Variants in USP8 observed in about 807,000 individuals in gnomAD.
The protein encoded by USP8 is ubiquitin specific peptidase 8.
A neutral mutation model predicts 130.0 loss-of-function variants in USP8; 27 were observed. The ratio of observed to expected loss-of-function variants is 0.21; its 90% CI spans 0.15 to 0.29. The LOEUF (loss-of-function observed/expected upper bound fraction) is 0.29, where lower values mean the gene tolerates loss of function less well. Among genes scored for constraint, USP8 ranks in the 10% least tolerant of loss-of-function variants. USP8 has a pLI of 1.00. For missense variants in USP8, 1,029 were observed against 1,312.2 expected (o/e 0.78, Z 3.33); for synonymous variants, 392 against 444.1 (o/e 0.88, Z 1.48).
At chr15:50,474,071 C>A (rs2051479450) in intron 8 of USP8, among the ~76,000 whole-genome samples, 1 of 152,126 alleles carries the variant, frequency 6.6e-6, no homozygotes. Flanking sequence ...GTGGTGCCTT[C>A]TCAGCTCACT....
chr15:50,440,742 C>T (rs528505528), intron 2 of USP8, among the ~76,000 whole-genome samples: 1 of 152,136 alleles, frequency 6.6e-6, no homozygotes, highest in South Asian at 2.1e-4. Flanking sequence ...GTGGCTCATG[C>T]CTGTAATCCG....
At chr15:50,484,416 A>T in intron 12 of USP8, 55 bp downstream of exon 12, 1 of 1,347,240 alleles carries the variant, frequency 7.4e-7, no homozygotes, top group Non-Finnish European at 1.1e-6. Flanking sequence ...ATGGATTATA[A>T]CTATGTGATT....
rs150009115 is a variant in USP8, at chr15:50,428,202, C to T, written c.-66+3688C>T. On this transcript the variant is annotated intron_variant, in intron 1 of 19. Transcript: ENST00000307179. The stretch of plus-strand genomic sequence containing the variant: ...CATGATCTCGGCTCACTGCACCCTC[C>T]GTCTGATGGGTTCAAGCAATTCTCC... Among the ~76,000 whole-genome samples, 907 of 151,762 alleles carry T rather than the reference C, an allele frequency of 6.0e-3. 9 individuals carry two copies. The highest frequency in any genetic ancestry group is 0.021 in the African/African-American group (873 of 41,386).
At chr15:50,493,041 A>C in intron 15 of USP8, 128 bp downstream of exon 15, 2 of 1,008,152 alleles carry the variant, frequency 2.0e-6, no homozygotes, top group African/African-American at 1.6e-5. Flanking sequence ...GTAAAGAACA[A>C]AAATTTATTT....
At chr15:50,448,867 G>A (rs966258853) in intron 3 of USP8, among the ~76,000 whole-genome samples, 2 of 152,038 alleles carry the variant, frequency 1.3e-5, no homozygotes, top group Admixed American at 6.6e-5. Context: ...GTTTTTAGTT[G>A]CTTAGAGTTT....
intron 4 of USP8, among the ~76,000 whole-genome samples, chr15:50,456,403 C>A (rs2050790514): frequency 6.6e-6 from 1 of 150,922 alleles, no homozygotes. Flanking sequence ...AACCCCATCT[C>A]TACTAAAAAT....
At chr15:50,471,074 T>C (rs1046177346) in intron 7 of USP8, among the ~76,000 whole-genome samples, 21 of 152,228 alleles carry the variant, frequency 1.4e-4, no homozygotes, top group African/African-American at 4.8e-4. Context: ...CTTAATCTGT[T>C]CGTGCCTCAG....
rs1363449750 is a variant in USP8, at chr15:50,481,648, G to A, written c.1386G>A (p.Lys462=). 1 of 1,613,514 alleles carries A rather than the reference G, an allele frequency of 6.2e-7. No homozygotes were observed. The highest frequency in any genetic ancestry group is 8.5e-7 in the Non-Finnish European group (1 of 1,179,878). Residue 462 remains lysine (K), a synonymous_variant, in exon 11 of 20, where the codon AAG becomes AAA. Coordinates refer to ENST00000307179, the MANE Select transcript of USP8 (RefSeq NM_005154.5). ...CTCTCATGTTAACAGATGAAGAAAA[G>A]GCTCGTATTCATGCAGAAACTGCTC... is the stretch of plus-strand genomic sequence containing the variant. ...SPTLMLTDEE[K]ARIHAETALL... is the part of the protein sequence containing the mutation.
rs764162253 is a variant in USP8 at position 50,508,462 on chromosome 15, TAAAA to T, written c.*9378_*9381del. The T allele has an allele frequency of 2.4e-4, 36 of 152,220 alleles. No individual in the cohort carries two copies. The highest frequency in any genetic ancestry group is 7.7e-4 in the African/African-American group (32 of 41,540). 9.4% of individuals were successfully genotyped at this position (152,220 alleles called of 1,614,324 possible). On this transcript the variant is annotated 3_prime_UTR_variant, in exon 20 of 20. Coordinates refer to ENST00000307179, the MANE Select transcript of USP8 (RefSeq NM_005154.5). Reference sequence around the variant, plus strand: ...TGTATATGTTTGAAATATTCTATAATAAAAAAAGGCAGAGAAAGTGGGAGATAGA... The same window carrying T: ...TGTATATGTTTGAAATATTCTATAATAAAGGCAGAGAAAGTGGGAGATAGA...
Position 50,510,783 on chromosome 15 carries a change from G to GT in USP8, c.*11705dup, listed in dbSNP as rs1019714416. Reference sequence around the variant, plus strand: ...ATGTACACCAATGTTTTGTTTTTTGGTTTTTTTTTTAGAGATGGAGTCTCG... The same window carrying GT: ...ATGTACACCAATGTTTTGTTTTTTGGTTTTTTTTTTTAGAGATGGAGTCTCG... On this transcript the variant is annotated 3_prime_UTR_variant, in exon 20 of 20. Coordinates refer to ENST00000307179, the MANE Select transcript of USP8 (RefSeq NM_005154.5). The GT allele has an allele frequency of 2.5e-4, 38 of 150,552 alleles. No homozygotes were observed. The highest frequency in any genetic ancestry group is 6.3e-4 in the South Asian group (3 of 4,794). 9.3% of individuals were successfully genotyped at this position (150,552 alleles called of 1,614,324 possible).
intron 5 of USP8, among the ~76,000 whole-genome samples, chr15:50,461,522 A>AC (rs1165471895): frequency 6.6e-6 from 1 of 151,402 alleles, no homozygotes; most frequent in Non-Finnish European, 1.5e-5. Flanking sequence ...ATGAGTTAGT[A>AC]CCATACAGGA....
At chr15:50,469,338 G>A (rs1006691012) in intron 7 of USP8, among the ~76,000 whole-genome samples, 1 of 152,078 alleles carries the variant, frequency 6.6e-6, no homozygotes, top group Non-Finnish European at 1.5e-5. Flanking sequence ...CAGAGTTGGA[G>A]CAGATTGTGA....
intron 1 of USP8, among the ~76,000 whole-genome samples, chr15:50,429,702 T>G (rs940875160): frequency 1.3e-5 from 2 of 152,196 alleles, no homozygotes; most frequent in African/African-American, 4.8e-5. Context: ...AATAAATACC[T>G]GTGTGTATGT....
At chr15:50,424,752 A>C (rs1389349691) in intron 1 of USP8, 1 of 360,658 alleles carries the variant, frequency 2.8e-6, no homozygotes, top group Admixed American at 4.7e-5. Flanking sequence ...TTTGGTTTTA[A>C]AAGGTGGCTT....
chr15:50,460,668 CTT>C (rs1304790796), intron 5 of USP8, among the ~76,000 whole-genome samples: 2 of 152,140 alleles, frequency 1.3e-5, no homozygotes, highest in African/African-American at 4.8e-5. Context: ...TACATCATCT[CTT>C]TGCTAAAAGC....
At chr15:50,470,036 T>A (rs997988412) in intron 7 of USP8, among the ~76,000 whole-genome samples, 5 of 152,180 alleles carry the variant, frequency 3.3e-5, no homozygotes, top group Non-Finnish European at 7.3e-5. Flanking sequence ...TTTCGCCATG[T>A]TGGCCAGGCT....
chr15:50,468,932 C>T (rs1265885393), intron 7 of USP8, among the ~76,000 whole-genome samples: 2 of 151,812 alleles, frequency 1.3e-5, no homozygotes, highest in African/African-American at 4.8e-5. Flanking sequence ...CCCGATATAC[C>T]CCCTGTAAGT....
intron 5 of USP8, among the ~76,000 whole-genome samples, chr15:50,460,552 A>T (rs1448239066): frequency 4.0e-5 from 6 of 151,414 alleles, no homozygotes; most frequent in African/African-American, 1.5e-4. Context: ...CAAGCGATCT[A>T]CCCACCTTGG....
At chr15:50,441,829 T>C (rs2050271011) in intron 3 of USP8, among the ~76,000 whole-genome samples, 1 of 152,100 alleles carries the variant, frequency 6.6e-6, no homozygotes, top group African/African-American at 2.4e-5. Flanking sequence ...TGTGTTTTTT[T>C]TTATAGTACT....
Sources: gnomAD v4.1 joint callset for allele counts (sites outside exome capture counted in the v4.1 genomes callset) on GRCh38, gnomAD v4.1.1 for gene constraint, MANE v1.5 for transcripts, NCBI Gene and HGNC (gene_info 2026-07-23, HGNC 2026-07-21) for gene names.